Variants in RILPL1 observed in about 807,000 individuals in gnomAD.
RILPL1 encodes the protein RILP-like protein 1.
Under a neutral mutation model 50.3 loss-of-function variants are expected in RILPL1, and 33 were observed. That is an observed-to-expected ratio of 0.66 (90% CI 0.50 to 0.88). The LOEUF (loss-of-function observed/expected upper bound fraction) is 0.88, where lower values mean the gene tolerates loss of function less well. Among genes scored for constraint, RILPL1 ranks in the 40% least tolerant of loss-of-function variants. The pLI, the probability that RILPL1 is intolerant of heterozygous loss-of-function variation, is 0.00. For synonymous variants in RILPL1, 205 were observed against 228.6 expected, an observed-to-expected ratio of 0.90 and a Z score of 0.93; for missense variants, 418 against 542.5, an observed-to-expected ratio of 0.77 and a Z score of 2.28.
At chr12:123,481,846 C>G (rs984098275) in intron 6 of RILPL1, among the ~76,000 whole-genome samples, 10 of 150,144 alleles carry the variant, frequency 6.7e-5, no homozygotes, top group African/African-American at 2.2e-4. Context: ...CCTGAGCCAC[C>G]GAGCCCAGCC....
intron 2 of RILPL1, among the ~76,000 whole-genome samples, chr12:123,501,619 C>T (rs1883388527): frequency 6.6e-6 from 1 of 151,008 alleles, no homozygotes; most frequent in Non-Finnish European, 1.5e-5. Context: ...AATTAGCTAG[C>T]CCTGGTGGTG....
intron 3 of RILPL1, 55 bp downstream of exon 3, chr12:123,499,363 T>C: frequency 7.9e-7 from 1 of 1,258,410 alleles, no homozygotes; most frequent in East Asian, 2.3e-5. Flanking sequence ...GTCTGGTCTC[T>C]GGCTGGCACC....
intron 2 of RILPL1, among the ~76,000 whole-genome samples, chr12:123,507,689 C>A (rs1010929791): frequency 5.3e-5 from 8 of 151,972 alleles, no homozygotes; most frequent in Admixed American, 4.6e-4. Flanking sequence ...CGCCTGTAAT[C>A]CCAGCACTTT....
intron 1 of RILPL1, among the ~76,000 whole-genome samples, chr12:123,524,851 G>A (rs1885194948): frequency 6.8e-6 from 1 of 146,360 alleles, no homozygotes; most frequent in Non-Finnish European, 1.5e-5. Flanking sequence ...GATTGATAGT[G>A]GCAGGGCGTG....
chr12:123,479,456 T>C (rs1304753064), intron 6 of RILPL1, among the ~76,000 whole-genome samples: 2 of 152,010 alleles, frequency 1.3e-5, no homozygotes, highest in African/African-American at 4.8e-5. Flanking sequence ...ACCAGGTAGG[T>C]GCAGGAGGAA....
chr12:123,481,918 G>A (rs1882032488), intron 6 of RILPL1, among the ~76,000 whole-genome samples: 1 of 150,244 alleles, frequency 6.7e-6, no homozygotes, highest in African/African-American at 2.5e-5. Context: ...TCGCTCAGAG[G>A]CTGGAGTACA....
At chr12:123,510,800 TGTGTGTGTA>T (rs767835822) in intron 2 of RILPL1, among the ~76,000 whole-genome samples, 25 of 114,758 alleles carry the variant, frequency 2.2e-4, no homozygotes, top group Non-Finnish European at 4.6e-4. Context: ...GTGTGTGATG[TGTGTGTGTA>T]GTGTGTGAGG....
chr12:123,490,108 A>G (rs1882592504), intron 4 of RILPL1, among the ~76,000 whole-genome samples: 1 of 151,708 alleles, frequency 6.6e-6, no homozygotes. Context: ...CCGAACCCCA[A>G]GCTCCCTCCA....
intron 3 of RILPL1, 39 bp downstream of exon 3, chr12:123,499,379 G>A (rs1566125711): frequency 3.5e-6 from 5 of 1,445,460 alleles, no homozygotes; most frequent in African/African-American, 2.8e-5. Flanking sequence ...GCACCTACTG[G>A]CTGGGAGGGT....
At chr12:123,531,987 C>A (rs1233247783) in intron 1 of RILPL1, among the ~76,000 whole-genome samples, 1 of 152,296 alleles carries the variant, frequency 6.6e-6, no homozygotes, top group East Asian at 1.9e-4. Context: ...CCCATGAGGA[C>A]GAGCACAGTC....
At chr12:123,507,953 G>GAAAAA (rs56309765) in intron 2 of RILPL1, among the ~76,000 whole-genome samples, 1 of 115,000 alleles carries the variant, frequency 8.7e-6, no homozygotes, top group Admixed American at 9.7e-5. Context: ...AAAAAAAAAA[G>GAAAAA]AAAAAAAAAA....
At chr12:123,531,115 G>GA (rs10592345) in intron 1 of RILPL1, among the ~76,000 whole-genome samples, 19,317 of 143,504 alleles carry the variant, frequency 0.13, 1,353 homozygotes, top group African/African-American at 0.18. Context: ...GACTCTGCAG[G>GA]AAAAAAAAAA....
intron 2 of RILPL1, among the ~76,000 whole-genome samples, chr12:123,511,330 CTG>C (rs550219301): frequency 6.3e-5 from 7 of 110,690 alleles, no homozygotes; most frequent in Non-Finnish European, 1.3e-4. Context: ...TGTGTGAGGT[CTG>C]TGTGTAGTGT....
chr12:123,514,048 A>G (rs1404819973), intron 2 of RILPL1: 1 of 152,288 alleles, frequency 6.6e-6, no homozygotes, highest in Non-Finnish European at 1.5e-5. Context: ...AGCAGATGAA[A>G]GATGGAAGCC....
At chr12:123,500,026 G>A (rs1883273729) in intron 2 of RILPL1, among the ~76,000 whole-genome samples, 1 of 151,734 alleles carries the variant, frequency 6.6e-6, no homozygotes, top group South Asian at 2.1e-4. Context: ...CCTCCTCCCG[G>A]GTTCACACCA....
rs368317612 is a variant in RILPL1, at chr12:123,501,640, G to A, written c.461-2104C>T. On this transcript the variant is annotated intron_variant, in intron 2 of 6. Transcript: ENST00000376874. ...CTAGCCCTGGTGGTGAGCGCCTGTA[G>A]TCCCAGCTACTCGGGAGGCTGAGGC... is the stretch of plus-strand genomic sequence containing the variant. Among the ~76,000 whole-genome samples, 5 of 149,480 alleles carry A rather than the reference G, an allele frequency of 3.3e-5. No homozygotes were observed. In the South Asian group the frequency reaches 8.5e-4, roughly 25 times the overall value.
At chr12:123,515,488 T>C (rs1839716137) in intron 2 of RILPL1, 1 of 151,208 alleles carries the variant, frequency 6.6e-6, no homozygotes, top group Admixed American at 6.6e-5. Context: ...TCTCACTCTG[T>C]CGCCAGGCTG....
At chr12:123,488,331 CA>C (rs35666986) in intron 4 of RILPL1, among the ~76,000 whole-genome samples, 44,679 of 151,078 alleles carry the variant, frequency 0.3, 8,243 homozygotes, top group African/African-American at 0.52. Flanking sequence ...GTCCCAGTTA[CA>C]TAGGAGGCTG....
At chr12:123,526,135 G>A (rs886908796) in intron 1 of RILPL1, among the ~76,000 whole-genome samples, 31 of 151,882 alleles carry the variant, frequency 2.0e-4, no homozygotes, top group African/African-American at 5.3e-4. Flanking sequence ...GCAAAACCCC[G>A]TCTCTACTGA....
Sources: allele counts gnomAD v4.1 joint callset (sites outside exome capture counted in the v4.1 genomes callset), GRCh38; gene constraint gnomAD v4.1.1; transcripts MANE v1.5; gene names NCBI Gene and HGNC (gene_info 2026-07-23, HGNC 2026-07-21).